The following BPTF variants were observed in gnomAD, a reference collection of about 807,000 sequenced individuals.
BPTF encodes the protein nucleosome-remodeling factor subunit BPTF.
BPTF carries 18 observed loss-of-function variants against 292.5 expected under a neutral mutation model. The ratio of observed to expected loss-of-function variants is 0.06; its 90% CI spans 0.04 to 0.09. BPTF has a LOEUF of 0.09. Among genes scored for constraint, BPTF ranks in the 10% least tolerant of loss-of-function variants. BPTF has a pLI of 1.00. For missense variants in BPTF, 2,726 were observed against 3,498.7 expected, an observed-to-expected ratio of 0.78 and a Z score of 5.57; for synonymous variants, 1,225 against 1,251.9, an observed-to-expected ratio of 0.98 and a Z score of 0.45.
rs1260305397 is a variant in BPTF at position 67,983,233 on chromosome 17, CAGA to C, written c.*949_*951del. On this transcript the variant is annotated 3_prime_UTR_variant, in exon 28 of 28. Coordinates refer to ENST00000306378, the MANE Select transcript of BPTF (RefSeq NM_182641.4). ...GGGAGGCCTGCAAGGTCATGAAAGG[CAGA>C]AGAGTCTAATTGTGCCTGGATTTCT... 3 of 152,594 alleles carry C rather than the reference CAGA, an allele frequency of 2.0e-5. No individual in the cohort carries two copies. Among genetic ancestry groups the C allele is most frequent in the Non-Finnish European group, 2.9e-5 (2 of 68,032 alleles). 9.5% of individuals were successfully genotyped at this position (152,594 alleles called of 1,614,324 possible). A position where few individuals can be genotyped will look rare whatever the true frequency, so the allele number is the denominator to read the frequency against.
Position 67,859,545 on chromosome 17 carries a change from T to C in BPTF, c.1436+4783T>C, listed in dbSNP as rs553683457. Among the ~76,000 whole-genome samples, 84 of 152,340 alleles carry C rather than the reference T, an allele frequency of 5.5e-4. 1 individual carries two copies. The South Asian group carries it at 0.016, about 29-fold the overall frequency. On this transcript the variant is annotated intron_variant, in intron 2 of 27. Coordinates refer to ENST00000306378, the MANE Select transcript of BPTF (RefSeq NM_182641.4). ...GATTTGCCCAAGACCCTGTGGCTCT[T>C]AGGAGGTAGAACCTGGAATTTTTTT...
intron 1 of BPTF, among the ~76,000 whole-genome samples, chr17:67,835,658 T>C (rs2057065856): frequency 7.0e-6 from 1 of 142,954 alleles, no homozygotes; most frequent in African/African-American, 2.5e-5. Flanking sequence ...GCCACAGTCC[T>C]GGTAATTTTT....
intron 4 of BPTF, among the ~76,000 whole-genome samples, chr17:67,881,806 C>T (rs1280327011): frequency 2.7e-5 from 4 of 145,838 alleles, no homozygotes; most frequent in African/African-American, 1.0e-4. Context: ...GGCCCAGAAT[C>T]AGTTATTTAT....
chr17:67,876,274 T>G (rs1420191290), intron 4 of BPTF, among the ~76,000 whole-genome samples: 1 of 152,222 alleles, frequency 6.6e-6, no homozygotes, highest in Non-Finnish European at 1.5e-5. Context: ...AAAGTTATAC[T>G]CCAAGTAAGT....
chr17:67,842,074 T>C (rs1318468958), intron 1 of BPTF, among the ~76,000 whole-genome samples: 1 of 152,144 alleles, frequency 6.6e-6, no homozygotes, highest in Non-Finnish European at 1.5e-5. Flanking sequence ...CCATACAGGT[T>C]TCTTTATTCT....
In BPTF at chr17:67,911,822, A is replaced by G. The variant is rs760930361; in HGVS notation, c.3938A>G (p.Glu1313Gly). ...EEDMIVQNSN[E>G]SISEQFRTRE... ...GATATGATTGTTCAGAATAGCAATG[A>G]AAGCATTTCTGAACAGTTCAGAACT... is the stretch of plus-strand genomic sequence containing the variant. The change falls in exon 11 of 28, where the codon GAA becomes GGA. Residue 1313 changes from glutamate to glycine, a missense_variant. By Grantham distance (98) the Glu-to-Gly change is moderately conservative. Coordinates refer to ENST00000306378, the MANE Select transcript of BPTF (RefSeq NM_182641.4). The G allele has an allele frequency of 1.2e-5, 20 of 1,614,098 alleles. No homozygotes were observed. The highest frequency in any genetic ancestry group is 1.7e-5 in the Non-Finnish European group (20 of 1,180,036).
At chr17:67,889,442 A>G (rs2060961416) in intron 4 of BPTF, among the ~76,000 whole-genome samples, 1 of 152,210 alleles carries the variant, frequency 6.6e-6, no homozygotes, top group South Asian at 2.1e-4. Flanking sequence ...ATGTCTAAAA[A>G]GTATCTATTA....
intron 26 of BPTF, among the ~76,000 whole-genome samples, chr17:67,971,396 T>A (rs559565742): frequency 5.9e-5 from 9 of 151,796 alleles, no homozygotes; most frequent in South Asian, 2.1e-4. Flanking sequence ...GGCTTTTTTT[T>A]AAAAACAATG....
rs781997688 is a variant in BPTF at position 67,940,490 on chromosome 17, C to G, written c.6311C>G (p.Thr2104Ser). Residue 2104 changes from threonine (T) to serine (S), a missense_variant, in exon 19 of 28, where the codon ACT (threonine) becomes AGT (serine). This residue lies in a region of BPTF where 570 missense variants were observed against 633.5 expected (regional missense o/e 0.90). Transcript: ENST00000306378. Reference protein sequence around the residue: ...TQIIRGQPVSTAVSAPNTVSS... With the variant: ...TQIIRGQPVSSAVSAPNTVSS... ...ATCATCAGGGGGCAGCCTGTCTCCA[C>G]TGCAGTCTCCGCCCCTAACACGGTT... 4.3e-6 allele frequency: 7 copies of G among 1,614,174 alleles called. No individual in the cohort carries two copies. In the Admixed American group the frequency reaches 1.2e-4, roughly 27 times the overall value.
intron 18 of BPTF, among the ~76,000 whole-genome samples, chr17:67,937,183 C>T (rs952140544): frequency 2.6e-5 from 4 of 152,016 alleles, no homozygotes; most frequent in East Asian, 1.9e-4. Flanking sequence ...TGGCCGGGCG[C>T]GATAGCTCAC....
intron 24 of BPTF, among the ~76,000 whole-genome samples, chr17:67,962,080 C>A (rs2067562700): frequency 1.3e-5 from 2 of 152,192 alleles, no homozygotes; most frequent in Non-Finnish European, 2.9e-5. Flanking sequence ...GAGGTCCAGG[C>A]TGCAGGGGGC....
chr17:67,931,935 C>T lies in BPTF; in HGVS notation c.6175C>T (p.Pro2059Ser). 1 of 1,613,546 alleles carries T rather than the reference C, an allele frequency of 6.2e-7. No individual in the cohort carries two copies. Among genetic ancestry groups the T allele is most frequent in the Non-Finnish European group, 8.5e-7 (1 of 1,179,818 alleles). ...GGTAATCACAGGGCCTCAGATTCGC[C>T]CTGGTATGACCGTGATTAGAACACC... ...SQVITGPQIR[P>S]GMTVIRTPLQ... Residue 2059 changes from proline to serine, a missense_variant, in exon 18 of 28, where the codon CCT (proline) becomes TCT (serine). Physicochemically the swap from Pro to Ser is moderately conservative, Grantham distance 74. This residue lies in a region of BPTF where 570 missense variants were observed against 633.5 expected (regional missense o/e 0.90). Coordinates refer to ENST00000306378, the MANE Select transcript of BPTF (RefSeq NM_182641.4).
chr17:67,913,214 G>A, intron 11 of BPTF, 27 bp downstream of exon 11: 1 of 1,532,456 alleles, frequency 6.5e-7, no homozygotes, highest in Non-Finnish European at 8.7e-7. Context: ...GTATTTGGGG[G>A]AGGGAGAAAA....
intron 27 of BPTF, among the ~76,000 whole-genome samples, chr17:67,979,462 T>G (rs563979062): frequency 6.6e-6 from 1 of 151,834 alleles, no homozygotes; most frequent in African/African-American, 2.4e-5. Flanking sequence ...CAGAATCACT[T>G]GAACCTGGGA....
intron 7 of BPTF, among the ~76,000 whole-genome samples, chr17:67,900,776 G>A (rs1000952699): frequency 2.0e-5 from 3 of 152,070 alleles, no homozygotes; most frequent in Admixed American, 6.6e-5. Context: ...TTGAGAGGTT[G>A]AGGAGGGAGG....
At chr17:67,926,929 T>G (rs1292465281) in intron 15 of BPTF, among the ~76,000 whole-genome samples, 3 of 152,110 alleles carry the variant, frequency 2.0e-5, no homozygotes, top group Non-Finnish European at 4.4e-5. Context: ...TTTTCTTTCT[T>G]TTTTTAACTG....
chr17:67,964,398 C>T lies in BPTF; in HGVS notation c.8448C>T (p.Ser2816=). The T allele has an allele frequency of 1.2e-6, 2 of 1,611,266 alleles. No homozygotes were observed. The highest frequency in any genetic ancestry group is 1.7e-6 in the Non-Finnish European group (2 of 1,177,642). ...AGGGGTTGAAGAGGGTGCTCCGTTC[C>T]TTACAGGTGAGACCCCTCTGTGTGC... ...DYEGLKRVLR[S]LQAHKMAWPF... is the part of the protein sequence containing the mutation. Residue 2816 remains serine, a synonymous_variant, in exon 25 of 28, where the codon TCC becomes TCT. Coordinates refer to ENST00000306378, the MANE Select transcript of BPTF (RefSeq NM_182641.4).
At chr17:67,971,452 C>A (rs1568217936) in intron 26 of BPTF, among the ~76,000 whole-genome samples, 1 of 151,108 alleles carries the variant, frequency 6.6e-6, no homozygotes, top group Admixed American at 6.6e-5. Flanking sequence ...CTCCACACTT[C>A]AGCATGGGCT....
intron 25 of BPTF, among the ~76,000 whole-genome samples, chr17:67,964,807 G>T (rs189599464): frequency 2.0e-5 from 3 of 150,068 alleles, no homozygotes; most frequent in Non-Finnish European, 4.4e-5. Context: ...AGACCATCCT[G>T]GCTAACACGG....
Sources: gnomAD v4.1 joint callset for allele counts (sites outside exome capture counted in the v4.1 genomes callset) on GRCh38, gnomAD v4.1.1 for gene constraint, gnomAD v4.1.1 regional missense constraint, MANE v1.5 for transcripts, NCBI Gene and HGNC (gene_info 2026-07-23, HGNC 2026-07-21) for gene names.